The following ZNF787 variants were observed in gnomAD, a reference collection of about 807,000 sequenced individuals.
ZNF787 encodes the protein zinc finger protein 787.
Under a neutral mutation model 16.9 loss-of-function variants are expected in ZNF787, and 7 were observed. That is an observed-to-expected ratio of 0.42 (90% CI 0.24 to 0.78). The LOEUF (loss-of-function observed/expected upper bound fraction) is 0.78, where lower values mean the gene tolerates loss of function less well. Among genes scored for constraint, ZNF787 ranks in the 30% least tolerant of loss-of-function variants. ZNF787 has a pLI of 0.30. For synonymous variants in ZNF787, 345 were observed against 270.9 expected (o/e 1.27, Z -2.69); for missense variants, 551 against 589.3 (o/e 0.94, Z 0.67).
Position 56,107,470 on chromosome 19 carries a change from C to T in ZNF787, c.-10-4243G>A, listed in dbSNP as rs116275074. On this transcript the variant is annotated intron_variant, in intron 1 of 2. Coordinates refer to ENST00000610935, the MANE Select transcript of ZNF787 (RefSeq NM_001002836.4). ...GGTCACTGGGAGAAACGAGGGTCAC[C>T]GGGAGACACGGGGTCACCGGGAGAC... Among the ~76,000 whole-genome samples the T allele has an allele frequency of 8.7e-3, 1,299 of 149,232 alleles. 19 individuals are homozygous for T. The highest frequency in any genetic ancestry group is 0.031 in the African/African-American group (1,225 of 39,278).
At chr19:56,115,919 A>G (rs969847041) in intron 1 of ZNF787, among the ~76,000 whole-genome samples, 4 of 152,314 alleles carry the variant, frequency 2.6e-5, no homozygotes, top group Admixed American at 2.6e-4. Context: ...AATTGTTTAA[A>G]AGACAAAACA....
rs767946228 is a variant in ZNF787, at chr19:56,103,188, C to A, written c.30G>T (p.Pro10=). The A allele has an allele frequency of 1.3e-6, 2 of 1,574,606 alleles. No homozygotes were observed. The highest frequency in any genetic ancestry group is 1.7e-6 in the Non-Finnish European group (2 of 1,159,730). The change falls in exon 2 of 3, where the codon CCG becomes CCT. Residue 10 remains proline (P), a synonymous_variant. Coordinates refer to ENST00000610935, the MANE Select transcript of ZNF787 (RefSeq NM_001002836.4). The part of the protein sequence containing the change: MELREEAWS[P]GPLDSEDQQM... Reference sequence around the variant, plus strand: ...GCTGGTCCTCAGAATCCAGCGGCCCCGGAGACCAGGCTTCTTCCCGCAGCT... The same window carrying A: ...GCTGGTCCTCAGAATCCAGCGGCCCAGGAGACCAGGCTTCTTCCCGCAGCT...
At chr19:56,092,819 G>A (rs899697415) in intron 2 of ZNF787, among the ~76,000 whole-genome samples, 12 of 151,650 alleles carry the variant, frequency 7.9e-5, no homozygotes, top group African/African-American at 2.9e-4. Context: ...GGGGGTGGCG[G>A]AAGTGGAATA....
intron 1 of ZNF787, among the ~76,000 whole-genome samples, chr19:56,109,744 A>C (rs940354574): frequency 4.6e-5 from 7 of 151,940 alleles, no homozygotes; most frequent in East Asian, 1.9e-4. Context: ...ATTAGCCGGG[A>C]GTGGTGGCGG....
intron 1 of ZNF787, among the ~76,000 whole-genome samples, chr19:56,118,210 T>G (rs1288243933): frequency 6.6e-6 from 1 of 152,224 alleles, no homozygotes; most frequent in African/African-American, 2.4e-5. Flanking sequence ...CTCTCCCTGA[T>G]GCTGGGTGAG....
At chr19:56,105,098 C>G (rs139685229) in intron 1 of ZNF787, among the ~76,000 whole-genome samples, 2 of 151,702 alleles carry the variant, frequency 1.3e-5, no homozygotes, top group South Asian at 4.2e-4. Flanking sequence ...CCAGCCTGGG[C>G]GACAGAGCAA....
intron 2 of ZNF787, among the ~76,000 whole-genome samples, chr19:56,092,525 C>CTTT (rs5828673): frequency 0.027 from 3,872 of 142,988 alleles, 183 homozygotes; most frequent in African/African-American, 0.093. Flanking sequence ...TCTGGAAATG[C>CTTT]TTTTTTTTTT....
intron 1 of ZNF787, among the ~76,000 whole-genome samples, chr19:56,112,857 T>C (rs1310532039): frequency 1.3e-5 from 2 of 151,842 alleles, no homozygotes; most frequent in Non-Finnish European, 2.9e-5. Context: ...GGAGGAGCTC[T>C]GGGGTGCCCA....
At chr19:56,090,066 C>T (rs1985513596) in intron 2 of ZNF787, among the ~76,000 whole-genome samples, 1 of 152,152 alleles carries the variant, frequency 6.6e-6, no homozygotes, top group Non-Finnish European at 1.5e-5. Flanking sequence ...TTTTCAAAGC[C>T]ATGAATCACA....
rs1265919181 is a variant in ZNF787 at position 56,096,267 on chromosome 19, A to AC, written c.79+6871_79+6872insG. 1.8e-4 allele frequency among the ~76,000 whole-genome samples: 26 copies of AC among 148,338 alleles called. 1 individual carries two copies. The East Asian group carries it at 3.4e-3, about 20-fold the overall frequency. On this transcript the variant is annotated intron_variant, in intron 2 of 2. Coordinates refer to ENST00000610935, the MANE Select transcript of ZNF787 (RefSeq NM_001002836.4). ...AAATAAAAAAATAAAAAAAATAAAA[A>AC]AACTAGCTGGGTGTGGTGGCGTGTG...
chr19:56,116,141 A>G (rs2030131119), intron 1 of ZNF787, among the ~76,000 whole-genome samples: 1 of 151,050 alleles, frequency 6.6e-6, no homozygotes, highest in Non-Finnish European at 1.5e-5. Flanking sequence ...AAACTGCTCT[A>G]AAAAAAAATA....
At position 56,087,543 on chromosome 19, in the gene ZNF787, G is replaced by A. The variant is rs1444922093; in HGVS notation, c.*480C>T. 6.6e-6 allele frequency: 1 copy of A among 152,330 alleles called. No homozygotes were observed. The allele number at this position is 152,330 out of a possible 1,614,324, so 9.4% of individuals were successfully genotyped here. ...GAAGGCAGAAAAAAATAATGGATTG[G>A]GGCGGGCGGGGAGTCAAAAGGTGGG... On this transcript the variant is annotated 3_prime_UTR_variant, in exon 3 of 3. Transcript: ENST00000610935.
At chr19:56,090,632 G>C (rs1055490449) in intron 2 of ZNF787, among the ~76,000 whole-genome samples, 6 of 152,114 alleles carry the variant, frequency 3.9e-5, no homozygotes, top group African/African-American at 1.4e-4. Context: ...GACTATCCTG[G>C]CCAACATGGC....
intron 2 of ZNF787, among the ~76,000 whole-genome samples, chr19:56,096,914 G>A (rs1985895669): frequency 6.6e-6 from 1 of 152,220 alleles, no homozygotes; most frequent in African/African-American, 2.4e-5. Context: ...GAGGCTGCCT[G>A]AGCTGTCGCT....
chr19:56,105,790 TA>T (rs1265836456), intron 1 of ZNF787, among the ~76,000 whole-genome samples: 5 of 152,166 alleles, frequency 3.3e-5, no homozygotes, highest in African/African-American at 1.2e-4. Flanking sequence ...GATGCAATGA[TA>T]TTTAGTGTAT....
chr19:56,110,991 G>A lies in ZNF787; in HGVS notation c.-10-7764C>T, dbSNP rs73934680. Reference sequence around the variant, plus strand: ...GGTGGAGGGGCTGACCCCGGGCGGGGAGCGCTGGGCCTCAAACTGCCCCCC... The same window carrying A: ...GGTGGAGGGGCTGACCCCGGGCGGGAAGCGCTGGGCCTCAAACTGCCCCCC... On this transcript the variant is annotated intron_variant, in intron 1 of 2. Transcript: ENST00000610935. 9.8e-3 allele frequency among the ~76,000 whole-genome samples: 1,486 copies of A among 152,332 alleles called. 27 individuals are homozygous for A. The highest frequency in any genetic ancestry group is 0.034 in the African/African-American group (1,430 of 41,572).
chr19:56,115,353 G>GC (rs1568536368), intron 1 of ZNF787, among the ~76,000 whole-genome samples: 2 of 138,840 alleles, frequency 1.4e-5, no homozygotes, highest in Non-Finnish European at 3.1e-5. Context: ...TGATTTCGCT[G>GC]CTTTTTTTTT....
At chr19:56,104,714 G>A (rs1986235669) in intron 1 of ZNF787, among the ~76,000 whole-genome samples, 1 of 151,938 alleles carries the variant, frequency 6.6e-6, no homozygotes, top group South Asian at 2.1e-4. Flanking sequence ...GCCATGCACT[G>A]TGAGGGTTCT....
intron 1 of ZNF787, among the ~76,000 whole-genome samples, chr19:56,116,576 A>G (rs1225543978): frequency 6.6e-6 from 1 of 152,166 alleles, no homozygotes; most frequent in Non-Finnish European, 1.5e-5. Flanking sequence ...ATATACATAT[A>G]TGAAATAAAA....
Sources: allele counts gnomAD v4.1 joint callset (sites outside exome capture counted in the v4.1 genomes callset), GRCh38; gene constraint gnomAD v4.1.1; transcripts MANE v1.5; gene names NCBI Gene and HGNC (gene_info 2026-07-23, HGNC 2026-07-21).